The following FARP1 variants were observed in gnomAD, a reference collection of about 807,000 sequenced individuals.
The protein encoded by FARP1 is FERM, ARHGEF and pleckstrin domain-containing protein 1.
A neutral mutation model predicts 128.8 loss-of-function variants in FARP1; 52 were observed. The observed-to-expected ratio is 0.40, with a 90% confidence interval of 0.32 to 0.51. FARP1 has a LOEUF of 0.51. FARP1 is among the 20% of genes least tolerant of loss of function. The pLI, the probability that FARP1 is intolerant of heterozygous loss-of-function variation, is 0.45. For missense variants in FARP1, 1,333 were observed against 1,367.9 expected, an observed-to-expected ratio of 0.97 and a Z score of 0.40; for synonymous variants, 580 against 551.8, an observed-to-expected ratio of 1.05 and a Z score of -0.72.
chr13:98,280,010 A>G (rs756185596), intron 2 of FARP1, among the ~76,000 whole-genome samples: 89 of 152,110 alleles, frequency 5.9e-4, no homozygotes, highest in Middle Eastern at 3.4e-3. Flanking sequence ...AGGGGGAGGT[A>G]ACCATTGCCA....
intron 1 of FARP1, among the ~76,000 whole-genome samples, chr13:98,191,958 G>C (rs571337187): frequency 1.3e-5 from 2 of 151,964 alleles, no homozygotes; most frequent in African/African-American, 2.4e-5. Context: ...AATTAAATAC[G>C]TAAGTAAATA....
Position 98,453,134 on chromosome 13 carries a change from G to A in FARP1, c.*4817G>A. On this transcript the variant is annotated 3_prime_UTR_variant, in exon 27 of 27. Coordinates refer to ENST00000319562, the MANE Select transcript of FARP1 (RefSeq NM_005766.4). ...TTAAAAAAGGAGGAGGATGAAGAAG[G>A]AAAAAAGGAAAAACAAAACCCCAAA... 1 of 1,610,454 alleles carries A rather than the reference G, an allele frequency of 6.2e-7. No homozygotes were observed. The highest frequency in any genetic ancestry group is 8.5e-7 in the Non-Finnish European group (1 of 1,177,806).
At chr13:98,188,350 G>A (rs1182800303) in intron 1 of FARP1, among the ~76,000 whole-genome samples, 7 of 152,040 alleles carry the variant, frequency 4.6e-5, no homozygotes, top group African/African-American at 1.2e-4. Flanking sequence ...TCAGGAGTTC[G>A]AGACCAGCCT....
intron 11 of FARP1, 145 bp from the exon 12 acceptor site, chr13:98,393,498 G>C: frequency 1.5e-6 from 1 of 648,406 alleles, no homozygotes; most frequent in Middle Eastern, 2.9e-4. Context: ...TTTCCAAGTA[G>C]CATTTGTAAA....
At chr13:98,226,213 G>A (rs1881755256) in intron 2 of FARP1, among the ~76,000 whole-genome samples, 1 of 152,204 alleles carries the variant, frequency 6.6e-6, no homozygotes, top group Non-Finnish European at 1.5e-5. Flanking sequence ...GGAAAAGCTG[G>A]TCCTGTGCTT....
intron 17 of FARP1, among the ~76,000 whole-genome samples, chr13:98,430,105 T>C (rs910889731): frequency 1.2e-4 from 19 of 152,030 alleles, no homozygotes; most frequent in African/African-American, 4.3e-4. Flanking sequence ...TTTTTTTAAA[T>C]TAGCTGGGTG....
At chr13:98,425,259 C>G (rs1227681566) in intron 17 of FARP1, among the ~76,000 whole-genome samples, 1 of 151,440 alleles carries the variant, frequency 6.6e-6, no homozygotes, top group Non-Finnish European at 1.5e-5. Flanking sequence ...CATTTTCAGT[C>G]AGTTGTTTTG....
intron 16 of FARP1, among the ~76,000 whole-genome samples, chr13:98,420,005 C>T (rs1329826326): frequency 6.6e-6 from 1 of 152,136 alleles, no homozygotes; most frequent in Admixed American, 6.5e-5. Flanking sequence ...GGGCACTTCA[C>T]CACAGCCTGG....
At chr13:98,261,868 C>T (rs1883897397) in intron 2 of FARP1, among the ~76,000 whole-genome samples, 1 of 152,104 alleles carries the variant, frequency 6.6e-6, no homozygotes, top group Admixed American at 6.5e-5. Context: ...GGATCCACTC[C>T]CATGACCCAG....
At chr13:98,278,156 T>C (rs553868315) in intron 2 of FARP1, among the ~76,000 whole-genome samples, 1 of 147,916 alleles carries the variant, frequency 6.8e-6, no homozygotes, top group Admixed American at 6.9e-5. Context: ...ATCCAGGGTG[T>C]GTGTATGAGT....
chr13:98,436,202 A>G, intron 19 of FARP1: 1 of 219,718 alleles, frequency 4.6e-6, no homozygotes, highest in Non-Finnish European at 9.1e-6. Context: ...AAGCAATTCC[A>G]GGAGAGATGC....
chr13:98,229,047 C>G (rs1375861097), intron 2 of FARP1, among the ~76,000 whole-genome samples: 2 of 152,198 alleles, frequency 1.3e-5, no homozygotes, highest in African/African-American at 4.8e-5. Context: ...TAGCATCTCC[C>G]TGCTGCTCTA....
chr13:98,368,342 C>T (rs1298600019), intron 5 of FARP1, 147 bp downstream of exon 5: 3 of 618,374 alleles, frequency 4.9e-6, no homozygotes, highest in Non-Finnish European at 8.3e-6. Flanking sequence ...CTTCCTCTTT[C>T]CCAGCCCTGC....
chr13:98,185,266 G>C (rs1420699752), intron 1 of FARP1, among the ~76,000 whole-genome samples: 1 of 152,078 alleles, frequency 6.6e-6, no homozygotes. Context: ...TTTAACAGCA[G>C]GTCCCCATGA....
rs375712775 is a variant in FARP1, at chr13:98,254,910, A to G, written c.171+41497A>G. 7.9e-5 allele frequency among the ~76,000 whole-genome samples: 12 copies of G among 151,860 alleles called. No individual in the cohort carries two copies. The East Asian group carries it at 2.1e-3, about 27-fold the overall frequency. ...CTGTAGCTGGGGCAAAGAAAAAGACATATTTACTACAAGATCCTTTTGTGG... is the reference window on the plus strand; with the variant it reads ...CTGTAGCTGGGGCAAAGAAAAAGACGTATTTACTACAAGATCCTTTTGTGG... On this transcript the variant is annotated intron_variant, in intron 2 of 26. Transcript: ENST00000319562.
intron 3 of FARP1, 56 bp downstream of exon 3, chr13:98,343,922 G>A (rs1181079898): frequency 1.8e-6 from 2 of 1,129,832 alleles, no homozygotes; most frequent in Non-Finnish European, 1.3e-6. Flanking sequence ...TTGGTGGGGG[G>A]CTGGGCAGGG....
intron 2 of FARP1, among the ~76,000 whole-genome samples, chr13:98,255,809 C>T (rs1206832097): frequency 1.3e-5 from 2 of 152,134 alleles, no homozygotes; most frequent in African/African-American, 4.8e-5. Flanking sequence ...TTGTGGATTT[C>T]TTGTACTGTA....
At chr13:98,316,187 A>G (rs1477158178) in intron 2 of FARP1, among the ~76,000 whole-genome samples, 1 of 152,134 alleles carries the variant, frequency 6.6e-6, no homozygotes, top group Non-Finnish European at 1.5e-5. Flanking sequence ...TTTTAACAGT[A>G]GAGTGAAGAG....
chr13:98,153,324 TA>T (rs371076539), intron 1 of FARP1, among the ~76,000 whole-genome samples: 22 of 10,536 alleles, frequency 2.1e-3, no homozygotes, highest in South Asian at 0.012. Context: ...AATATATAAA[TA>T]ATATAATATA....
Sources: allele counts gnomAD v4.1 joint callset (sites outside exome capture counted in the v4.1 genomes callset), GRCh38; gene constraint gnomAD v4.1.1; transcripts MANE v1.5; gene names NCBI Gene and HGNC (gene_info 2026-07-23, HGNC 2026-07-21).